FUS: variants seen among roughly 807,000 people sequenced by gnomAD.
FUS encodes the protein RNA-binding protein FUS.
Under a neutral mutation model 82.7 loss-of-function variants are expected in FUS, and 5 were observed. The ratio of observed to expected loss-of-function variants is 0.06; its 90% confidence interval spans 0.03 to 0.13. The LOEUF is 0.13. Among genes scored for constraint, FUS ranks in the 10% least tolerant of loss-of-function variants. The pLI is 1.00. For missense variants in FUS, 512 were observed against 707.8 expected, an observed-to-expected ratio of 0.72 and a Z score of 3.14; for synonymous variants, 281 against 247.4, an observed-to-expected ratio of 1.14 and a Z score of -1.27.
At chr16:31,192,259 G>A (rs772063399), downstream of FUS, 2 of 526,598 alleles carry the variant, frequency 3.8e-6, no homozygotes, top group African/African-American at 1.9e-5. Context: ...TGATTGGAGG[G>A]TGGAAGGCCC....
intron 5 of FUS, 23 bp downstream of exon 5, chr16:31,184,419 T>A: frequency 1.0e-5 from 16 of 1,587,846 alleles, no homozygotes; most frequent in Non-Finnish European, 1.4e-5. Context: ...CAGCTTTGTC[T>A]GCAGCCCATT....
downstream of FUS, chr16:31,194,168 A>C (rs1446294732): frequency 1.9e-6 from 1 of 530,298 alleles, no homozygotes; most frequent in African/African-American, 1.9e-5. Context: ...ACTTGGATGT[A>C]GGGCTGCAGT....
chr16:31,186,658 C>G (rs922246739), intron 6 of FUS, 144 bp from the exon 7 acceptor site: 4 of 736,824 alleles, frequency 5.4e-6, no homozygotes, highest in Middle Eastern at 2.8e-4. Flanking sequence ...AAGGGGTGGT[C>G]AGGAAGGGAT....
downstream of FUS, chr16:31,191,776 G>T (rs976231217): frequency 1.7e-6 from 1 of 597,958 alleles, no homozygotes; most frequent in Non-Finnish European, 3.1e-6. Flanking sequence ...CTGTCATGGG[G>T]AAAGTTGGTG....
chr16:31,192,320 GT>G, downstream of FUS: 1 of 527,116 alleles, frequency 1.9e-6, no homozygotes, highest in Non-Finnish European at 3.7e-6. Context: ...CAGCCAATGA[GT>G]TAAAACCTTA....
Position 31,184,918 on chromosome 16 carries a change from TCA to T in FUS, c.524-20_524-19del. On this transcript the variant is annotated intron_variant, in intron 5 of 14. Transcript: ENST00000254108. ...CAATCTTTTTGTTTTTTTTTTTTAATCATTCTTTCTTTTCTCACAGGTAACTA... is the reference window on the plus strand; with the variant it reads ...CAATCTTTTTGTTTTTTTTTTTTAATTTCTTTCTTTTCTCACAGGTAACTA... 6.3e-7 allele frequency: 1 copy of T among 1,594,278 alleles called. No individual in the cohort carries two copies. The highest frequency in any genetic ancestry group is 1.7e-5 in the Admixed American group (1 of 59,714).
downstream of FUS, chr16:31,194,128 A>G (rs1179552856): frequency 1.9e-6 from 1 of 532,074 alleles, no homozygotes; most frequent in African/African-American, 1.9e-5. Flanking sequence ...TTTTTTCCCC[A>G]TCTTGTGCCG....
intron 1 of FUS, chr16:31,182,196 G>C (rs2079189229): frequency 1.6e-6 from 1 of 642,204 alleles, no homozygotes; most frequent in African/African-American, 1.8e-5. Context: ...TCACCATGTT[G>C]GTCAGGCCAG....
chr16:31,194,573 T>C (rs1331647016), downstream of FUS: 1 of 499,758 alleles, frequency 2.0e-6, no homozygotes, highest in South Asian at 1.5e-5. Flanking sequence ...CCCAGAGTGC[T>C]GGGATTAAGG....
intron 1 of FUS, 101 bp downstream of exon 1, chr16:31,180,328 AT>A (rs981017747): frequency 3.4e-6 from 5 of 1,461,772 alleles, no homozygotes; most frequent in Non-Finnish European, 3.7e-6. Flanking sequence ...CCCGTGTGGG[AT>A]TTTTTGGCGC....
rs1294736484 is a variant in FUS, at chr16:31,186,718, TG to T, written c.765-80del. The T allele has an allele frequency of 3.0e-6, 4 of 1,328,754 alleles. No individual in the cohort carries two copies. The East Asian group carries it at 9.2e-5, about 31-fold the overall frequency. The allele number at this position is 1,328,754 out of a possible 1,614,324, so 82.3% of individuals were successfully genotyped here. A position where few individuals can be genotyped will look rare whatever the true frequency, so the allele number is the denominator to read the frequency against. The stretch of plus-strand genomic sequence containing the variant: ...TTTTCCAAAAACACCTACCCATGTT[TG>T]GGGAATGTTAAACAAAATCAAAAAA... On this transcript the variant is annotated intron_variant, in intron 6 of 14. Coordinates refer to ENST00000254108, the MANE Select transcript of FUS (RefSeq NM_004960.4).
In FUS at chr16:31,189,662, C is replaced by T. The variant is rs2079323234; in HGVS notation, c.937-3C>T. 2 of 1,614,142 alleles carry T rather than the reference C, an allele frequency of 1.2e-6. No homozygotes were observed. Among genetic ancestry groups the T allele is most frequent in the Non-Finnish European group, 1.7e-6 (2 of 1,180,030 alleles). On this transcript the variant is annotated splice_polypyrimidine_tract_variant and splice_region_variant and intron_variant, in intron 9 of 14. Transcript: ENST00000254108. ...TGATGTTACCTCATTTTGCTTTCTT[C>T]AGACAAACAAGAAAACGGGACAGCC...
chr16:31,180,317 T>C, intron 1 of FUS, 90 bp downstream of exon 1: 1 of 1,510,178 alleles, frequency 6.6e-7, no homozygotes, highest in African/African-American at 1.4e-5. Flanking sequence ...GGGGCGGCGA[T>C]CCCGTGTGGG....
chr16:31,185,224 G>A, intron 6 of FUS, 45 bp downstream of exon 6: 1 of 1,563,560 alleles, frequency 6.4e-7, no homozygotes, highest in East Asian at 2.3e-5. Context: ...GGGGAGTGTG[G>A]AGGATTGCAT....
chr16:31,193,964 CTGAA>C (rs2079392329), downstream of FUS: 2 of 531,684 alleles, frequency 3.8e-6, no homozygotes, highest in Non-Finnish European at 7.3e-6. Flanking sequence ...TCTATTCTTA[CTGAA>C]TGATTGAAAT....
downstream of FUS, chr16:31,192,672 T>C (rs1567481074): frequency 4.1e-6 from 2 of 482,156 alleles, no homozygotes; most frequent in Non-Finnish European, 4.1e-6. Context: ...GCGATTCTCC[T>C]GCCTCAGGAG....
Position 31,189,113 on chromosome 16 carries a change from C to G in FUS, c.833-10C>G, listed in dbSNP as rs1490533282. The G allele has an allele frequency of 1.9e-6, 3 of 1,604,750 alleles. No homozygotes were observed. The highest frequency in any genetic ancestry group is 2.6e-6 in the Non-Finnish European group (3 of 1,171,680). Reference sequence around the variant, plus strand: ...TTTTCACATTTGCATTTTCTCTGTTCAACAAGCAGAACAGGATAATTCAGA... The same window carrying G: ...TTTTCACATTTGCATTTTCTCTGTTGAACAAGCAGAACAGGATAATTCAGA... On this transcript the variant is annotated splice_polypyrimidine_tract_variant and intron_variant, in intron 8 of 14. Coordinates refer to ENST00000254108, the MANE Select transcript of FUS (RefSeq NM_004960.4).
At chr16:31,192,595 C>G, downstream of FUS, 1 of 491,210 alleles carries the variant, frequency 2.0e-6, no homozygotes, top group South Asian at 1.5e-5. Flanking sequence ...GAGTCTTGCT[C>G]TGTCATCCAG....
At position 31,191,584 on chromosome 16, in the gene FUS, A is replaced by G; in HGVS notation, c.*146A>G. Reference sequence around the variant, plus strand: ...TGTAACTATACCTCTGGTTCCCATTAAAAGTGACCATTTTAGTTAAATTTT... The same window carrying G: ...TGTAACTATACCTCTGGTTCCCATTGAAAGTGACCATTTTAGTTAAATTTT... On this transcript the variant is annotated 3_prime_UTR_variant, in exon 15 of 15. Coordinates refer to ENST00000254108, the MANE Select transcript of FUS (RefSeq NM_004960.4). 1.1e-6 allele frequency: 1 copy of G among 878,498 alleles called. No homozygotes were observed. Among genetic ancestry groups the G allele is most frequent in the African/African-American group, 1.7e-5 (1 of 60,312 alleles). 54.4% of individuals were successfully genotyped at this position (878,498 alleles called of 1,614,324 possible).
Sources: allele counts gnomAD v4.1 joint callset, GRCh38; gene constraint gnomAD v4.1.1; transcripts MANE v1.5; gene names NCBI Gene and HGNC (gene_info 2026-07-23, HGNC 2026-07-21).